The following CDH6 variants were observed in gnomAD, a reference collection of about 807,000 sequenced individuals.
CDH6 encodes the protein cadherin-6.
Under a neutral mutation model 78.0 loss-of-function variants are expected in CDH6, and 31 were observed. The observed-to-expected ratio is 0.40, with a 90% confidence interval of 0.30 to 0.54. The LOEUF is 0.54. Among genes scored for constraint, CDH6 ranks in the 20% least tolerant of loss-of-function variants. The pLI is 0.56. For missense variants in CDH6, 724 were observed against 975.9 expected, an observed-to-expected ratio of 0.74 and a Z score of 3.44; for synonymous variants, 376 against 368.8, an observed-to-expected ratio of 1.02 and a Z score of -0.23.
intron 2 of CDH6, among the ~76,000 whole-genome samples, chr5:31,283,522 T>C (rs1742919579): frequency 1.3e-5 from 2 of 152,186 alleles, no homozygotes; most frequent in South Asian, 4.1e-4. Context: ...GTAATCTTTG[T>C]GACCAGTTCA....
intron 1 of CDH6, among the ~76,000 whole-genome samples, chr5:31,204,437 A>G (rs1045751245): frequency 5.9e-5 from 9 of 152,212 alleles, no homozygotes; most frequent in African/African-American, 1.9e-4. Context: ...TGGAAGCAAC[A>G]TAAGAGTAAA....
At chr5:31,270,731 C>G (rs1382171911) in intron 2 of CDH6, among the ~76,000 whole-genome samples, 4 of 151,770 alleles carry the variant, frequency 2.6e-5, no homozygotes, top group Non-Finnish European at 4.4e-5. Flanking sequence ...GGGTCTTGCT[C>G]TGTCACCCAG....
intron 3 of CDH6, among the ~76,000 whole-genome samples, chr5:31,296,709 T>C (rs1298000594): frequency 6.6e-6 from 1 of 152,158 alleles, no homozygotes; most frequent in East Asian, 1.9e-4. Flanking sequence ...TCACATTACT[T>C]AAGTCCAAAA....
intron 1 of CDH6, among the ~76,000 whole-genome samples, chr5:31,229,139 A>G (rs945471452): frequency 6.6e-6 from 1 of 152,186 alleles, no homozygotes; most frequent in African/African-American, 2.4e-5. Context: ...TTAATCTACA[A>G]CACAGCCCTC....
intron 1 of CDH6, among the ~76,000 whole-genome samples, chr5:31,244,051 C>T (rs1227854242): frequency 6.6e-6 from 1 of 152,140 alleles, no homozygotes; most frequent in Non-Finnish European, 1.5e-5. Context: ...ATTACCTGCC[C>T]AAAGATGTTA....
At chr5:31,296,130 A>G (rs190990538) in intron 3 of CDH6, among the ~76,000 whole-genome samples, 1 of 152,308 alleles carries the variant, frequency 6.6e-6, no homozygotes, top group East Asian at 1.9e-4. Flanking sequence ...GCTATATAAT[A>G]CAAAAGCAAT....
chr5:31,281,974 T>G (rs2149940890), intron 2 of CDH6, among the ~76,000 whole-genome samples: 1 of 152,184 alleles, frequency 6.6e-6, no homozygotes, highest in East Asian at 1.9e-4. Context: ...TGAGAATTAA[T>G]GCATGCAACA....
At position 31,305,446 on chromosome 5, in the gene CDH6, C is replaced by T; in HGVS notation, c.1253+19C>T. The T allele has an allele frequency of 6.3e-7, 1 of 1,599,870 alleles. No individual in the cohort carries two copies. Among genetic ancestry groups the T allele is most frequent in the Non-Finnish European group, 8.5e-7 (1 of 1,172,394 alleles). On this transcript the variant is annotated intron_variant, in intron 7 of 11. Transcript: ENST00000265071. ...CTGTCAAGTAAGCACACTTCTGCGACATGTCTCTTTCATAAGCTTCAGTCA... is the reference window on the plus strand; with the variant it reads ...CTGTCAAGTAAGCACACTTCTGCGATATGTCTCTTTCATAAGCTTCAGTCA...
chr5:31,194,715 G>T (rs1485821726), intron 1 of CDH6, among the ~76,000 whole-genome samples: 1 of 152,148 alleles, frequency 6.6e-6, no homozygotes, highest in Non-Finnish European at 1.5e-5. Context: ...AGAGTGGTTG[G>T]AGTGCGCTTG....
At chr5:31,312,715 CA>C (rs5867069) in intron 7 of CDH6, among the ~76,000 whole-genome samples, 73,298 of 151,564 alleles carry the variant, frequency 0.48, 18,526 homozygotes, top group Non-Finnish European at 0.54. Flanking sequence ...AACAAACAAA[CA>C]AAAAAACCCT....
chr5:31,312,623 C>T (rs1256796481), intron 7 of CDH6, among the ~76,000 whole-genome samples: 1 of 152,014 alleles, frequency 6.6e-6, no homozygotes, highest in East Asian at 1.9e-4. Context: ...CCTGGGAGGT[C>T]GAAGTTGCAG....
intron 1 of CDH6, among the ~76,000 whole-genome samples, chr5:31,219,400 C>T (rs1035825338): frequency 6.6e-6 from 1 of 152,120 alleles, no homozygotes; most frequent in Non-Finnish European, 1.5e-5. Flanking sequence ...CTGGAGCACC[C>T]TGGCTATAAT....
intron 1 of CDH6, among the ~76,000 whole-genome samples, chr5:31,224,178 A>T (rs2111837251): frequency 6.6e-6 from 1 of 152,360 alleles, no homozygotes. Context: ...GCAAGGAAGA[A>T]CAAGTCACAT....
intron 2 of CDH6, among the ~76,000 whole-genome samples, chr5:31,281,987 C>G (rs573765463): frequency 9.9e-4 from 151 of 152,220 alleles, no homozygotes; most frequent in African/African-American, 3.6e-3. Context: ...ATGCAACACA[C>G]CAACCATTTT....
chr5:31,291,138 T>C (rs1743150175), intron 2 of CDH6, among the ~76,000 whole-genome samples: 1 of 152,148 alleles, frequency 6.6e-6, no homozygotes, highest in Admixed American at 6.5e-5. Context: ...GAGTGTATAA[T>C]CCAGTGGAAT....
chr5:31,199,083 C>A (rs1053188196), intron 1 of CDH6, among the ~76,000 whole-genome samples: 11 of 151,908 alleles, frequency 7.2e-5, no homozygotes, highest in Admixed American at 5.2e-4. Flanking sequence ...GCCTGCAATC[C>A]AAAGTATACA....
chr5:31,271,630 C>T (rs1296894098), intron 2 of CDH6, among the ~76,000 whole-genome samples: 1 of 152,068 alleles, frequency 6.6e-6, no homozygotes, highest in African/African-American at 2.4e-5. Flanking sequence ...GGTCCTGTGT[C>T]GGGTAAGTTT....
intron 2 of CDH6, among the ~76,000 whole-genome samples, chr5:31,290,168 G>A (rs1478914115): frequency 1.3e-5 from 2 of 152,206 alleles, no homozygotes; most frequent in African/African-American, 4.8e-5. Flanking sequence ...GCTGAGCCAA[G>A]AGAATTGCTT....
At chr5:31,195,101 T>A (rs62355526) in intron 1 of CDH6, among the ~76,000 whole-genome samples, 11 of 151,890 alleles carry the variant, frequency 7.2e-5, no homozygotes, top group African/African-American at 2.7e-4. Context: ...AAAAAAAATT[T>A]AAATGATGAT....
Sources: gnomAD v4.1 joint callset for allele counts (sites outside exome capture counted in the v4.1 genomes callset) on GRCh38, gnomAD v4.1.1 for gene constraint, MANE v1.5 for transcripts, NCBI Gene and HGNC (gene_info 2026-07-23, HGNC 2026-07-21) for gene names.